TBC1D1: variants seen among roughly 807,000 people sequenced by gnomAD.
TBC1D1 encodes the protein TBC1 domain family member 1.
TBC1D1 carries 89 observed loss-of-function variants against 125.6 expected under a neutral mutation model. That is an observed-to-expected ratio of 0.71 (90% CI 0.60 to 0.85). The LOEUF is 0.85. Ranked by LOEUF, TBC1D1 falls within the 40% of genes least tolerant of loss-of-function variation. The pLI, the probability that TBC1D1 is intolerant of heterozygous loss-of-function variation, is 0.00. For synonymous variants in TBC1D1, 565 were observed against 564.1 expected (o/e 1.00, Z -0.02); for missense variants, 1,377 against 1,469.2 (o/e 0.94, Z 1.03).
At chr4:38,116,155 A>G (rs76293452) in intron 16 of TBC1D1, among the ~76,000 whole-genome samples, 7,787 of 152,040 alleles carry the variant, frequency 0.051, 665 homozygotes, top group African/African-American at 0.18. Context: ...CATCGTCTCA[A>G]TTTGTAGATT....
At chr4:37,937,877 T>C (rs1724711393) in intron 2 of TBC1D1, among the ~76,000 whole-genome samples, 2 of 152,156 alleles carry the variant, frequency 1.3e-5, no homozygotes, top group Non-Finnish European at 2.9e-5. Flanking sequence ...TGGTGCTGTT[T>C]GCTTTGTGTG....
intron 6 of TBC1D1, among the ~76,000 whole-genome samples, chr4:38,022,711 A>G (rs535673670): frequency 6.6e-5 from 10 of 152,284 alleles, no homozygotes; most frequent in African/African-American, 1.9e-4. Flanking sequence ...GGGAGGGGCC[A>G]GGGGAGAGGA....
In TBC1D1 at chr4:37,960,905, GCTGTTTCAGCTGGGCC is replaced by G. The variant is rs766826616; in HGVS notation, c.418-53602_418-53587del. 1.9e-6 allele frequency: 3 copies of G among 1,614,164 alleles called. No homozygotes were observed. In the Admixed American group the frequency reaches 5.0e-5, roughly 27 times the overall value. ...TTGATGAGGAGGGAGAGCTTGAAAA[GCTGTTTCAGCTGGGCC>G]CCCCTTCACCTGTGAAAATGCCCTC... On this transcript the variant is annotated intron_variant, in intron 2 of 19. Transcript: ENST00000261439.
In TBC1D1 at chr4:38,115,914, G is replaced by A. The variant is rs1300967999; in HGVS notation, c.2762G>A (p.Gly921Glu). Residue 921 changes from glycine to glutamate, a missense_variant, in exon 16 of 20, where the codon GGG (glycine) becomes GAG (glutamate). Around this residue, in one of 3 missense-constraint regions of TBC1D1, gnomAD observed 543 missense variants for 613.5 expected, o/e 0.89. Transcript: ENST00000261439. ...CTCAAGTTTCTGATGTTTGACATGG[G>A]GCTGCGGAAACAGTATCGGCCAGAC... is the stretch of plus-strand genomic sequence containing the variant. 1.1e-5 allele frequency: 18 copies of A among 1,614,034 alleles called. No homozygotes were observed. Among genetic ancestry groups the A allele is most frequent in the Non-Finnish European group, 1.4e-5 (17 of 1,180,036 alleles).
intron 11 of TBC1D1, among the ~76,000 whole-genome samples, chr4:38,051,300 C>T (rs761778792): frequency 5.3e-5 from 8 of 152,144 alleles, no homozygotes; most frequent in Non-Finnish European, 1.2e-4. Flanking sequence ...TGCTTTCTTT[C>T]CCCCTTGTGA....
At chr4:37,916,646 G>A (rs1719797950) in intron 2 of TBC1D1, among the ~76,000 whole-genome samples, 2 of 152,198 alleles carry the variant, frequency 1.3e-5, no homozygotes, top group Non-Finnish European at 2.9e-5. Context: ...GGACTCAAGA[G>A]TATGCAAATC....
intron 12 of TBC1D1, among the ~76,000 whole-genome samples, chr4:38,087,231 C>G (rs948871898): frequency 1.3e-5 from 2 of 152,186 alleles, no homozygotes; most frequent in South Asian, 2.1e-4. Flanking sequence ...CCAAACAATA[C>G]TTGTATTTTT....
At chr4:37,894,806 C>T (rs1714184414) in intron 1 of TBC1D1, among the ~76,000 whole-genome samples, 1 of 152,154 alleles carries the variant, frequency 6.6e-6, no homozygotes. Context: ...AGCTAATCCA[C>T]TAGAAAGATA....
chr4:38,095,321 C>G (rs1032838813), intron 13 of TBC1D1, among the ~76,000 whole-genome samples: 6 of 152,170 alleles, frequency 3.9e-5, no homozygotes, highest in African/African-American at 1.4e-4. Context: ...ATTACTCCCC[C>G]CTGGGCTTGA....
At chr4:38,012,276 TTTG>T (rs1011662197) in intron 2 of TBC1D1, among the ~76,000 whole-genome samples, 13 of 152,218 alleles carry the variant, frequency 8.5e-5, no homozygotes, top group African/African-American at 1.9e-4. Context: ...ACTATGGCTT[TTTG>T]TTGTTGTTGT....
intron 12 of TBC1D1, 93 bp downstream of exon 14, chr4:38,054,431 T>A: frequency 6.5e-7 from 1 of 1,529,848 alleles, no homozygotes; most frequent in Non-Finnish European, 8.9e-7. Flanking sequence ...CAGAGCGCCG[T>A]CCTCTTCAGT....
rs903011305 is a variant in TBC1D1, at chr4:37,910,694, C to CA, written c.417+8191dup. On this transcript the variant is annotated intron_variant, in intron 2 of 19. Coordinates refer to ENST00000261439, the MANE Select transcript of TBC1D1 (RefSeq NM_015173.4). ...GAGTGAGGGGAGATGGTTAATGGTA[C>CA]AAAAAAAAATAGTTAGAAGAATAAA... Among the ~76,000 whole-genome samples, 31 of 146,936 alleles carry CA rather than the reference C, an allele frequency of 2.1e-4. 1 individual carries two copies. Among genetic ancestry groups the CA allele is most frequent in the Admixed American group, 6.8e-4 (10 of 14,808 alleles).
intron 8 of TBC1D1, among the ~76,000 whole-genome samples, chr4:38,041,288 G>T (rs1748316624): frequency 6.6e-6 from 1 of 152,188 alleles, no homozygotes; most frequent in Non-Finnish European, 1.5e-5. Flanking sequence ...AACATTTTAT[G>T]CCCATTAGAT....
intron 2 of TBC1D1, among the ~76,000 whole-genome samples, chr4:37,940,006 G>T (rs1410249015): frequency 1.3e-5 from 2 of 152,136 alleles, no homozygotes; most frequent in African/African-American, 4.8e-5. Flanking sequence ...GGCAATGCAG[G>T]CTCTTTTTTG....
chr4:38,115,929 A>G lies in TBC1D1; in HGVS notation c.2777A>G (p.Tyr926Cys). ...TTTGACATGGGGCTGCGGAAACAGT[A>G]TCGGCCAGACATGATTATTTTACAG... Residue 926 changes from tyrosine to cysteine, a missense_variant, in exon 16 of 20, where the codon TAT becomes TGT. Tyr to Cys is a radical substitution (Grantham distance 194). This residue lies in a region of TBC1D1 where 543 missense variants were observed against 613.5 expected (regional missense o/e 0.89). Coordinates refer to ENST00000261439, the MANE Select transcript of TBC1D1 (RefSeq NM_015173.4). The G allele has an allele frequency of 1.2e-6, 2 of 1,614,230 alleles. No homozygotes were observed. Among genetic ancestry groups the G allele is most frequent in the Non-Finnish European group, 1.7e-6 (2 of 1,180,042 alleles).
intron 18 of TBC1D1, among the ~76,000 whole-genome samples, chr4:38,127,087 G>A (rs1764777847): frequency 6.6e-6 from 1 of 151,356 alleles, no homozygotes; most frequent in Non-Finnish European, 1.5e-5. Flanking sequence ...TACCTAGACT[G>A]AGGGCTATAT....
At chr4:37,982,485 A>G (rs773527401) in intron 2 of TBC1D1, among the ~76,000 whole-genome samples, 4 of 152,206 alleles carry the variant, frequency 2.6e-5, no homozygotes, top group Non-Finnish European at 4.4e-5. Flanking sequence ...TGCCTCGGCT[A>G]AGCAAAGCTG....
chr4:37,994,276 ATCTT>A (rs775883968), intron 2 of TBC1D1, among the ~76,000 whole-genome samples: 4 of 152,164 alleles, frequency 2.6e-5, no homozygotes, highest in Non-Finnish European at 5.9e-5. Flanking sequence ...CAAAGTGGAA[ATCTT>A]TCTTACTTTG....
chr4:37,918,564 C>T (rs890418248), intron 2 of TBC1D1, among the ~76,000 whole-genome samples: 1 of 152,036 alleles, frequency 6.6e-6, no homozygotes, highest in East Asian at 1.9e-4. Context: ...TCTCCTGTCT[C>T]AGCCTCCTGA....
Sources: allele counts gnomAD v4.1 joint callset (sites outside exome capture counted in the v4.1 genomes callset), GRCh38; gene constraint gnomAD v4.1.1; regional missense constraint gnomAD v4.1.1; transcripts MANE v1.5; gene names NCBI Gene and HGNC (gene_info 2026-07-23, HGNC 2026-07-21).